Variants in MYO18B observed in about 807,000 individuals in gnomAD.
The protein encoded by MYO18B is myosin XVIIIB.
In MYO18B, 204 loss-of-function variants were observed where a neutral mutation model predicts 273.0. The observed-to-expected ratio is 0.75, with a 90% CI of 0.67 to 0.84. The LOEUF (loss-of-function observed/expected upper bound fraction) is 0.84, where lower values mean the gene tolerates loss of function less well. Ranked by LOEUF, MYO18B falls within the 40% of genes least tolerant of loss-of-function variation. MYO18B has a pLI of 0.00. For synonymous variants in MYO18B, 1,330 were observed against 1,305.7 expected, an observed-to-expected ratio of 1.02 and a Z score of -0.40; for missense variants, 3,212 against 3,287.6, an observed-to-expected ratio of 0.98 and a Z score of 0.56.
chr22:25,857,680 G>C (rs972275163), intron 21 of MYO18B, among the ~76,000 whole-genome samples: 2 of 152,230 alleles, frequency 1.3e-5, no homozygotes, highest in Non-Finnish European at 2.9e-5. Flanking sequence ...TTGAGACAGA[G>C]TCTCGCTCTG....
chr22:26,041,803 A>G, the MYO18B span, among the ~76,000 whole-genome samples: 2 of 152,206 alleles, frequency 1.3e-5, no homozygotes, highest in African/African-American at 4.8e-5. Context: ...AGAAGGCAGC[A>G]CCAACAGGAA....
intron 15 of MYO18B, among the ~76,000 whole-genome samples, chr22:25,830,219 G>A (rs143744930): frequency 1.2e-3 from 177 of 152,190 alleles, no homozygotes; most frequent in African/African-American, 4.0e-3. Context: ...TAACTCTGTC[G>A]CTTATTGGCT....
chr22:26,017,025 TTTCCTTCCTTCCTTCCTTCC>T lies in MYO18B; in HGVS notation c.6471-9390_6471-9371del, dbSNP rs59617056. Among the ~76,000 whole-genome samples, 506 of 124,230 alleles carry T rather than the reference TTTCCTTCCTTCCTTCCTTCC, an allele frequency of 4.1e-3. 7 individuals are homozygous for T. The highest frequency in any genetic ancestry group is 0.013 in the African/African-American group (408 of 30,876). 81.5% of individuals were successfully genotyped at this position (124,230 alleles called of 152,430 possible). On this transcript the variant is annotated intron_variant, in intron 42 of 43. Coordinates refer to ENST00000335473, the MANE Select transcript of MYO18B (RefSeq NM_032608.7). ...TCCTAACTCTTTTTTATTAGGCTAA[TTTCCTTCCTTCCTTCCTTCC>T]TTCCTTCCTTCCTTCCTTCCTTCCT... is the stretch of plus-strand genomic sequence containing the variant.
intron 3 of MYO18B, among the ~76,000 whole-genome samples, chr22:25,767,207 C>T (rs2086536494): frequency 6.6e-6 from 1 of 152,194 alleles, no homozygotes; most frequent in Non-Finnish European, 1.5e-5. Context: ...CATAGCCAGG[C>T]TGGTTTGAGG....
the MYO18B span, among the ~76,000 whole-genome samples, chr22:26,041,352 C>CAAAAAAAAAAAAAAAAA: frequency 1.6e-5 from 1 of 62,184 alleles, no homozygotes; most frequent in African/African-American, 5.9e-5. Flanking sequence ...CTGTCTCTAC[C>CAAAAAAAAAAAAAAAAA]AAAAAAAAAA....
intron 42 of MYO18B, among the ~76,000 whole-genome samples, chr22:26,017,599 C>T (rs1158145782): frequency 1.3e-5 from 2 of 152,276 alleles, no homozygotes; most frequent in East Asian, 3.9e-4. Flanking sequence ...TGTCCTGTAT[C>T]ACTGTATTTT....
At chr22:25,795,068 T>A (rs1302313235) in intron 11 of MYO18B, among the ~76,000 whole-genome samples, 1 of 152,360 alleles carries the variant, frequency 6.6e-6, no homozygotes, top group East Asian at 1.9e-4. Context: ...GATGCCTATA[T>A]GTGGCTGCGT....
At chr22:25,991,257 A>G (rs1385937836) in intron 39 of MYO18B, among the ~76,000 whole-genome samples, 2 of 152,184 alleles carry the variant, frequency 1.3e-5, no homozygotes, top group Non-Finnish European at 2.9e-5. Context: ...ATCCCCCGTA[A>G]GATGAATTAA....
chr22:25,761,342 GC>G (rs1363842465), intron 2 of MYO18B, among the ~76,000 whole-genome samples: 1 of 41,842 alleles, frequency 2.4e-5, no homozygotes, highest in East Asian at 3.5e-3. Flanking sequence ...TACCCTTGAC[GC>G]CCCCCCGAGG....
At position 25,763,231 on chromosome 22, in the gene MYO18B, A is replaced by G. The variant is rs1473419581; in HGVS notation, c.40A>G (p.Ile14Val). 1.2e-6 allele frequency: 2 copies of G among 1,607,844 alleles called. No homozygotes were observed. Among genetic ancestry groups the G allele is most frequent in the Admixed American group, 1.7e-5 (1 of 59,230 alleles). Residue 14 changes from isoleucine to valine, a missense_variant and splice_region_variant, in exon 3 of 44, where the codon ATT (isoleucine) becomes GTT (valine). Physicochemically the swap from Ile to Val is conservative, Grantham distance 29 (BLOSUM62 3). Transcript: ENST00000335473. Reference protein sequence around the residue: ...SSRLALWEQKIREEDKSPPPS... With the variant: ...SSRLALWEQKVREEDKSPPPS... ...CTCTTTCCTTGCTTCTGCAAAACAG[A>G]TTCGGGAAGAGGACAAGAGCCCTCC...
rs764178478 is a variant in MYO18B at position 25,876,158 on chromosome 22, AC to A, written c.4081-28del. 5 of 1,596,152 alleles carry A rather than the reference AC, an allele frequency of 3.1e-6. No individual in the cohort carries two copies. In the East Asian group the frequency reaches 1.1e-4, roughly 36 times the overall value. On this transcript the variant is annotated intron_variant, in intron 23 of 43. Transcript: ENST00000335473. ...TTTATCCTCACCTGGGTTGGAAAGG[AC>A]CCTCCAGTCTGTGTTCTCCTTCCCT...
At chr22:25,924,082 T>C (rs1034943263) in intron 34 of MYO18B, among the ~76,000 whole-genome samples, 2 of 152,204 alleles carry the variant, frequency 1.3e-5, no homozygotes, top group African/African-American at 4.8e-5. Flanking sequence ...TGGAAATCGT[T>C]ATAAGGATGG....
At chr22:25,771,462 T>C (rs902387376) in intron 6 of MYO18B, among the ~76,000 whole-genome samples, 1 of 152,182 alleles carries the variant, frequency 6.6e-6, no homozygotes, top group Non-Finnish European at 1.5e-5. Context: ...CTCTTTAAAT[T>C]GCTTTGAATA....
chr22:25,931,117 G>A lies in MYO18B; in HGVS notation c.5517+9708G>A, dbSNP rs551128136. Among the ~76,000 whole-genome samples the A allele has an allele frequency of 1.6e-4, 25 of 152,290 alleles. 1 individual carries two copies. Among genetic ancestry groups the A allele is most frequent in the South Asian group, 1.2e-3 (6 of 4,826 alleles). On this transcript the variant is annotated intron_variant, in intron 34 of 43. Coordinates refer to ENST00000335473, the MANE Select transcript of MYO18B (RefSeq NM_032608.7). ...AACTATGGAACAGGTGGCTTCCTGC[G>A]ATGTTTTATTTGAAGAGCCTTTTTT...
chr22:25,920,001 A>T lies in MYO18B; in HGVS notation c.5365-1256A>T, dbSNP rs147434894. 8.5e-5 allele frequency among the ~76,000 whole-genome samples: 13 copies of T among 152,288 alleles called. No homozygotes were observed. The East Asian group carries it at 2.5e-3, about 29-fold the overall frequency. On this transcript the variant is annotated intron_variant, in intron 33 of 43. Transcript: ENST00000335473. ...TTAACCTCTCTTTTTGTGGATGAGA[A>T]AACTCAGGTTCAGAGATGTGGCGTG... is the stretch of plus-strand genomic sequence containing the variant.
chr22:25,875,150 C>T (rs1355216227), intron 23 of MYO18B, among the ~76,000 whole-genome samples: 1 of 152,144 alleles, frequency 6.6e-6, no homozygotes, highest in African/African-American at 2.4e-5. Flanking sequence ...TGTGGGCAAC[C>T]CCACTGGCCT....
intron 34 of MYO18B, among the ~76,000 whole-genome samples, chr22:25,935,830 C>T (rs1601617860): frequency 6.6e-6 from 1 of 152,202 alleles, no homozygotes; most frequent in African/African-American, 2.4e-5. Context: ...CTGTGGGTAT[C>T]TGGGTTAGAG....
Position 25,851,448 on chromosome 22 carries a change from C to T in MYO18B, c.3776-22C>T, listed in dbSNP as rs372940434. On this transcript the variant is annotated intron_variant, in intron 20 of 43. Coordinates refer to ENST00000335473, the MANE Select transcript of MYO18B (RefSeq NM_032608.7). ...CTCATCTGGACTCTGTGCTCTTCTCCTGCCTGCTCCTACCTCCCTAGGCTA... is the reference window on the plus strand; with the variant it reads ...CTCATCTGGACTCTGTGCTCTTCTCTTGCCTGCTCCTACCTCCCTAGGCTA... The T allele has an allele frequency of 4.9e-5, 74 of 1,512,730 alleles. No homozygotes were observed. The African/African-American group carries it at 9.9e-4, about 20-fold the overall frequency. 93.7% of individuals were successfully genotyped at this position (1,512,730 alleles called of 1,614,324 possible). A position where few individuals can be genotyped will look rare whatever the true frequency, so the allele number is the denominator to read the frequency against.
In MYO18B at chr22:25,893,508, C is replaced by G. The variant is rs1333421589; in HGVS notation, c.4544-1648C>G. ...ACTTGCTCTATAGCACATCATAGCA[C>G]AGAGTACATGGGAAGCTGCAGAAAT... On this transcript the variant is annotated intron_variant, in intron 27 of 43. Transcript: ENST00000335473. Among the ~76,000 whole-genome samples the G allele has an allele frequency of 2.6e-5, 4 of 152,204 alleles. No individual in the cohort carries two copies. The East Asian group carries it at 7.7e-4, about 29-fold the overall frequency.
Sources: allele counts gnomAD v4.1 joint callset (sites outside exome capture counted in the v4.1 genomes callset), GRCh38; gene constraint gnomAD v4.1.1; transcripts MANE v1.5; gene names NCBI Gene and HGNC (gene_info 2026-07-23, HGNC 2026-07-21).